ZNF148: variants seen among roughly 807,000 people sequenced by gnomAD.
ZNF148 encodes the protein zinc finger protein 148.
ZNF148 carries 7 observed loss-of-function variants against 67.7 expected under a neutral mutation model. That is an observed-to-expected ratio of 0.10 (90% CI 0.06 to 0.19). The LOEUF (loss-of-function observed/expected upper bound fraction) is 0.19. Ranked by LOEUF, ZNF148 falls within the 10% of genes least tolerant of loss-of-function variation. The pLI, the probability that ZNF148 is intolerant of heterozygous loss-of-function variation, is 1.00. For missense variants in ZNF148, 583 were observed against 947.1 expected (o/e 0.62, Z 5.05); for synonymous variants, 333 against 330.7 (o/e 1.01, Z -0.08).
At chr3:125,272,263 G>A (rs1937786473) in intron 7 of ZNF148, among the ~76,000 whole-genome samples, 1 of 152,194 alleles carries the variant, frequency 6.6e-6, no homozygotes, top group Non-Finnish European at 1.5e-5. Context: ...ATCAAATTGT[G>A]AGTCACATGA....
chr3:125,360,797 A>G (rs1397949212), intron 1 of ZNF148, among the ~76,000 whole-genome samples: 1 of 151,132 alleles, frequency 6.6e-6, no homozygotes, highest in Non-Finnish European at 1.5e-5. Flanking sequence ...TGGGCAACAT[A>G]GGAAGACCAC....
At chr3:125,366,750 T>C (rs1312398537) in intron 1 of ZNF148, among the ~76,000 whole-genome samples, 1 of 152,228 alleles carries the variant, frequency 6.6e-6, no homozygotes, top group African/African-American at 2.4e-5. Context: ...CCTGGGCTTC[T>C]CACCTCCAAG....
chr3:125,348,330 G>C (rs9289250), intron 1 of ZNF148, among the ~76,000 whole-genome samples: 116,942 of 151,624 alleles, frequency 0.77, 45,634 homozygotes, highest in African/African-American at 0.85. Flanking sequence ...AGTGTCACAA[G>C]AAAAGTCTAG....
At chr3:125,255,270 G>T (rs1032699473) in intron 7 of ZNF148, among the ~76,000 whole-genome samples, 8 of 111,958 alleles carry the variant, frequency 7.1e-5, no homozygotes, top group African/African-American at 2.8e-4. Context: ...TTTTTGAGAC[G>T]GTGTCTGGCT....
intron 7 of ZNF148, among the ~76,000 whole-genome samples, chr3:125,269,326 A>G (rs1011741381): frequency 6.6e-6 from 1 of 151,800 alleles, no homozygotes; most frequent in Non-Finnish European, 1.5e-5. Flanking sequence ...GGCCACAGTG[A>G]GCCCAGATCA....
intron 1 of ZNF148, among the ~76,000 whole-genome samples, chr3:125,339,768 A>G (rs746094971): frequency 2.0e-5 from 3 of 152,234 alleles, no homozygotes; most frequent in Non-Finnish European, 4.4e-5. Flanking sequence ...TGTACCCCAT[A>G]AACATATACA....
At chr3:125,267,761 C>T (rs1203504510) in intron 7 of ZNF148, among the ~76,000 whole-genome samples, 1 of 152,102 alleles carries the variant, frequency 6.6e-6, no homozygotes, top group Non-Finnish European at 1.5e-5. Flanking sequence ...TAAAAGACAT[C>T]CAAATAGGAA....
intron 4 of ZNF148, among the ~76,000 whole-genome samples, chr3:125,298,346 T>TACACACACACACACACACAC (rs141809192): frequency 0.044 from 6,368 of 145,644 alleles, 241 homozygotes; most frequent in East Asian, 0.13. Context: ...TAAATGTGCA[T>TACACACACACACACACACAC]ACACACACAC....
intron 7 of ZNF148, among the ~76,000 whole-genome samples, chr3:125,263,407 C>A (rs1185388411): frequency 6.6e-6 from 1 of 151,980 alleles, no homozygotes; most frequent in Non-Finnish European, 1.5e-5. Flanking sequence ...AAAAATTAGC[C>A]GGGTGTGGTG....
intron 1 of ZNF148, among the ~76,000 whole-genome samples, chr3:125,346,299 C>G (rs988044791): frequency 1.3e-5 from 2 of 152,198 alleles, no homozygotes; most frequent in Non-Finnish European, 2.9e-5. Flanking sequence ...AAACACCCAA[C>G]TAGGAAAGGG....
chr3:125,269,853 A>C (rs1386107323), intron 7 of ZNF148, among the ~76,000 whole-genome samples: 1 of 152,214 alleles, frequency 6.6e-6, no homozygotes. Context: ...TAACATAAAA[A>C]ACAGAAAACC....
chr3:125,263,564 A>C (rs564636991), intron 7 of ZNF148, among the ~76,000 whole-genome samples: 58 of 147,846 alleles, frequency 3.9e-4, no homozygotes, highest in African/African-American at 1.4e-3. Flanking sequence ...AAAAAAAAAG[A>C]AATATACATT....
At chr3:125,266,046 A>C (rs1194787444) in intron 7 of ZNF148, among the ~76,000 whole-genome samples, 6 of 152,298 alleles carry the variant, frequency 3.9e-5, no homozygotes, top group East Asian at 3.9e-4. Flanking sequence ...TATGCACCCA[A>C]AATTGGAGCA....
In ZNF148 at chr3:125,228,318, G is replaced by C. The variant is rs1203389270; in HGVS notation, c.*4023C>G. On this transcript the variant is annotated 3_prime_UTR_variant, in exon 9 of 9. Coordinates refer to ENST00000360647, the MANE Select transcript of ZNF148 (RefSeq NM_021964.3). ...TAAGGCCATTCAATGCTTAGTGAAAGTGAGTACAGATGAAGTCAGATTTAG... is the reference window on the plus strand; with the variant it reads ...TAAGGCCATTCAATGCTTAGTGAAACTGAGTACAGATGAAGTCAGATTTAG... The C allele has an allele frequency of 2.0e-5, 3 of 152,602 alleles. No homozygotes were observed. Among genetic ancestry groups the C allele is most frequent in the African/African-American group, 7.2e-5 (3 of 41,448 alleles). The allele number at this position is 152,602 out of a possible 1,614,324, so 9.5% of individuals were successfully genotyped here. A position where few individuals can be genotyped will look rare whatever the true frequency, so the allele number is the denominator to read the frequency against.
At chr3:125,254,730 A>AT (rs1288940387) in intron 7 of ZNF148, among the ~76,000 whole-genome samples, 32 of 152,056 alleles carry the variant, frequency 2.1e-4, no homozygotes, top group African/African-American at 7.7e-4. Flanking sequence ...CTGCCTTACT[A>AT]ATCCTTACAT....
At chr3:125,291,993 C>T (rs754426300) in intron 4 of ZNF148, among the ~76,000 whole-genome samples, 2 of 152,024 alleles carry the variant, frequency 1.3e-5, no homozygotes, top group Non-Finnish European at 2.9e-5. Context: ...TACTGTCTAA[C>T]GAATGTCAGC....
rs1216479942 is a variant in ZNF148, at chr3:125,231,566, A to G, written c.*775T>C. On this transcript the variant is annotated 3_prime_UTR_variant, in exon 9 of 9. Coordinates refer to ENST00000360647, the MANE Select transcript of ZNF148 (RefSeq NM_021964.3). ...AACTTCAAAACCTTGATACCTGCAC[A>G]TGAAAAATCATAAAAAATATCTAAG... is the stretch of plus-strand genomic sequence containing the variant. 6.6e-6 allele frequency: 1 copy of G among 152,548 alleles called. No homozygotes were observed. Among genetic ancestry groups the G allele is most frequent in the African/African-American group, 2.4e-5 (1 of 41,438 alleles). The allele number at this position is 152,548 out of a possible 1,614,324, so 9.4% of individuals were successfully genotyped here. A position where few individuals can be genotyped will look rare whatever the true frequency, so the allele number is the denominator to read the frequency against.
In ZNF148 at chr3:125,375,182, G is replaced by A. The variant is rs951461735; in HGVS notation, c.-314C>T. On this transcript the variant is annotated 5_prime_UTR_variant, in exon 1 of 9. Transcript: ENST00000360647. ...CTTTCTAGGGGCCTTGAGAGGAGGG[G>A]AAGGGGGGAGGGGGGAGAACTTTTG... 9.2e-5 allele frequency: 14 copies of A among 152,480 alleles called. No individual in the cohort carries two copies. The highest frequency in any genetic ancestry group is 3.1e-4 in the African/African-American group (13 of 41,550). The allele number at this position is 152,480 out of a possible 1,614,324, so 9.4% of individuals were successfully genotyped here. A position where few individuals can be genotyped will look rare whatever the true frequency, so the allele number is the denominator to read the frequency against.
chr3:125,332,081 G>A (rs576189814), intron 1 of ZNF148, among the ~76,000 whole-genome samples: 1 of 152,238 alleles, frequency 6.6e-6, no homozygotes, highest in East Asian at 1.9e-4. Context: ...ATATTTTCTA[G>A]AAATTGATAA....
Sources: allele counts gnomAD v4.1 joint callset (sites outside exome capture counted in the v4.1 genomes callset), GRCh38; gene constraint gnomAD v4.1.1; transcripts MANE v1.5; gene names NCBI Gene and HGNC (gene_info 2026-07-23, HGNC 2026-07-21).